Variants in TF observed in about 807,000 individuals in gnomAD.
TF encodes the protein serotransferrin.
In TF, 55 loss-of-function variants were observed where a neutral mutation model predicts 82.4. The ratio of observed to expected loss-of-function variants is 0.67; its 90% CI spans 0.54 to 0.84. The LOEUF is 0.84. Among genes scored for constraint, TF ranks in the 40% least tolerant of loss-of-function variants. TF has a pLI of 0.00. For synonymous variants in TF, 332 were observed against 332.6 expected, an observed-to-expected ratio of 1.00 and a Z score of 0.02; for missense variants, 737 against 868.4, an observed-to-expected ratio of 0.85 and a Z score of 1.90.
At chr3:133,662,666 A>G in the TF span, among the ~76,000 whole-genome samples, 43 of 19,404 alleles carry the variant, frequency 2.2e-3, no homozygotes, top group African/African-American at 7.7e-3. Context: ...GAGAGGGGAT[A>G]AGATGGGCCT....
chr3:133,728,968 G>A, the TF span, among the ~76,000 whole-genome samples: 368 of 152,268 alleles, frequency 2.4e-3, 3 homozygotes, highest in Admixed American at 4.2e-3. Flanking sequence ...GCAGAACAGC[G>A]GATTTTTGTG....
chr3:133,747,600 C>A (rs1559866589), intron 1 of TF, among the ~76,000 whole-genome samples: 1 of 152,230 alleles, frequency 6.6e-6, no homozygotes, highest in African/African-American at 2.4e-5. Context: ...GCTGTCTCTG[C>A]AACCACATGG....
At chr3:133,706,101 G>A in the TF span, among the ~76,000 whole-genome samples, 4 of 152,178 alleles carry the variant, frequency 2.6e-5, no homozygotes, top group Admixed American at 2.6e-4. Context: ...CTGCACCTGG[G>A]TTTCAGAAGA....
intron 8 of TF, 93 bp downstream of exon 8, chr3:133,758,039 G>A (rs371248506): frequency 6.4e-5 from 79 of 1,230,094 alleles, no homozygotes; most frequent in South Asian, 5.0e-4. Context: ...GGACCTGCAC[G>A]CCTCTCCTGA....
At chr3:133,699,528 G>T in the TF span, 5 of 1,011,722 alleles carry the variant, frequency 4.9e-6, no homozygotes, top group Non-Finnish European at 7.1e-6. Context: ...TGGATACAAG[G>T]ACTGCCATTT....
the TF span, among the ~76,000 whole-genome samples, chr3:133,685,371 GAAAC>G: frequency 6.6e-6 from 1 of 152,172 alleles, no homozygotes; most frequent in African/African-American, 2.4e-5. Flanking sequence ...GCAGGAGAAA[GAAAC>G]AAAGGGTATT....
At chr3:133,699,787 T>C in the TF span, 1 of 344,636 alleles carries the variant, frequency 2.9e-6, no homozygotes, top group African/African-American at 2.1e-5. Flanking sequence ...CCGCTCAGTC[T>C]ATATGTGTTA....
upstream of TF, among the ~76,000 whole-genome samples, chr3:133,743,438 C>T (rs568220011): frequency 1.3e-5 from 2 of 152,094 alleles, no homozygotes; most frequent in Admixed American, 6.5e-5. Context: ...GTCCCTCTCT[C>T]GGTGTGACCC....
At chr3:133,778,275 G>A in intron 16 of TF, 1 of 352,970 alleles carries the variant, frequency 2.8e-6, no homozygotes, top group Admixed American at 3.8e-5. Flanking sequence ...AGGTCAGGGA[G>A]GACAGTCTTC....
the TF span, chr3:133,712,746 C>G: frequency 1.3e-5 from 2 of 155,750 alleles, no homozygotes; most frequent in Admixed American, 6.5e-5. Context: ...GCAATCCTGC[C>G]CACATATGGG....
the TF span, among the ~76,000 whole-genome samples, chr3:133,670,584 T>C: frequency 2.4e-4 from 36 of 152,316 alleles, 1 homozygote; most frequent in African/African-American, 6.0e-4. Context: ...TAATTAACCT[T>C]AGAAGGAATG....
At chr3:133,672,962 A>G in the TF span, among the ~76,000 whole-genome samples, 1 of 152,216 alleles carries the variant, frequency 6.6e-6, no homozygotes, top group South Asian at 2.1e-4. Context: ...CAACCCAGGA[A>G]GGAAGGAAAG....
At chr3:133,735,233 C>T in the TF span, among the ~76,000 whole-genome samples, 45 of 151,198 alleles carry the variant, frequency 3.0e-4, no homozygotes, top group Non-Finnish European at 5.7e-4. Context: ...CCCAGTGACT[C>T]GGGAGGCTGA....
chr3:133,689,794 T>C, the TF span, among the ~76,000 whole-genome samples: 14 of 152,222 alleles, frequency 9.2e-5, no homozygotes, highest in African/African-American at 3.4e-4. Context: ...GTGATAGACA[T>C]TAGGGCACGA....
At chr3:133,748,033 A>G (rs1235355719) in intron 1 of TF, 2 of 226,446 alleles carry the variant, frequency 8.8e-6, no homozygotes, top group East Asian at 9.1e-5. Context: ...TAGCAAGCCA[A>G]TGTGTTGGGG....
In TF at chr3:133,794,711, C is replaced by A. The variant is rs989112771; in HGVS notation, c.*16091C>A. The A allele has an allele frequency of 6.6e-6, 1 of 152,192 alleles. No individual in the cohort carries two copies. The highest frequency in any genetic ancestry group is 2.4e-5 in the African/African-American group (1 of 41,442). 9.4% of individuals were successfully genotyped at this position (152,192 alleles called of 1,614,324 possible). A position where few individuals can be genotyped will look rare whatever the true frequency, so the allele number is the denominator to read the frequency against. On this transcript the variant is annotated 3_prime_UTR_variant, in exon 17 of 17. Transcript: ENST00000402696. ...TCTTGGAACTGTACACCCATTGGAA[C>A]CCTTAAGGTAAAGCTAACCAGGGAA...
chr3:133,788,444 C>T lies in TF; in HGVS notation c.*9824C>T, dbSNP rs1934743665. On this transcript the variant is annotated 3_prime_UTR_variant, in exon 17 of 17. Coordinates refer to ENST00000402696, the MANE Select transcript of TF (RefSeq NM_001063.4). ...GCCTTCTCCCACCCTGTGGAGCGTA[C>T]TTTCATTTCATAAATCTCTGCTTTT... 2 of 152,200 alleles carry T rather than the reference C, an allele frequency of 1.3e-5. No homozygotes were observed. The highest frequency in any genetic ancestry group is 4.1e-4 in the South Asian group (2 of 4,834). The allele number at this position is 152,200 out of a possible 1,614,324, so 9.4% of individuals were successfully genotyped here. A position where few individuals can be genotyped will look rare whatever the true frequency, so the allele number is the denominator to read the frequency against.
At chr3:133,683,999 T>C in the TF span, among the ~76,000 whole-genome samples, 1 of 152,144 alleles carries the variant, frequency 6.6e-6, no homozygotes. Flanking sequence ...TATAACAAAC[T>C]ATCTCTCAGA....
intron 16 of TF, chr3:133,778,298 T>C (rs1934444808): frequency 2.7e-6 from 1 of 366,138 alleles, no homozygotes; most frequent in Non-Finnish European, 5.3e-6. Context: ...GGGCGACTCC[T>C]GGCCTCAGGA....
Sources: allele counts gnomAD v4.1 joint callset (sites outside exome capture counted in the v4.1 genomes callset), GRCh38; gene constraint gnomAD v4.1.1; transcripts MANE v1.5; gene names NCBI Gene and HGNC (gene_info 2026-07-23, HGNC 2026-07-21).